The following MED12 variants were observed in gnomAD, a reference collection of about 807,000 sequenced individuals.
MED12 encodes the protein mediator complex subunit 12, also known as mediator of RNA polymerase II transcription subunit 12.
In MED12, 10 loss-of-function variants were observed where a neutral mutation model predicts 177.7. The observed-to-expected ratio is 0.06, with a 90% CI of 0.03 to 0.10. The LOEUF is 0.10. MED12 is among the 10% of genes least tolerant of loss of function. MED12 has a pLI of 1.00. For synonymous variants in MED12, 641 were observed against 678.4 expected, an observed-to-expected ratio of 0.94 and a Z score of 0.86; for missense variants, 867 against 1,780.8, an observed-to-expected ratio of 0.49 and a Z score of 9.23.
chrX:71,134,786 A>G lies in MED12; in HGVS notation c.4801A>G (p.Ile1601Val). 1 of 1,211,325 alleles carries G rather than the reference A, an allele frequency of 8.3e-7. No individual in the cohort carries two copies. Among genetic ancestry groups the G allele is most frequent in the Non-Finnish European group, 1.1e-6 (1 of 895,429 alleles). ...GACATTGGCTGCAGACATGTCTAGC[A>G]TCTCGCAAGGTAGCATGGAGGAAAA... ...NGTLAADMSS[I>V]SQGSMEENKR... Residue 1601 changes from isoleucine (I) to valine (V), a missense_variant, in exon 35 of 45, where the codon ATC (isoleucine) becomes GTC (valine). Coordinates refer to ENST00000374080, the MANE Select transcript of MED12 (RefSeq NM_005120.3).
chrX:71,133,443 C>T (rs2092323862), intron 33 of MED12, among the ~76,000 whole-genome samples: 1 of 109,090 alleles, frequency 9.2e-6, no homozygotes, highest in South Asian at 4.0e-4. Context: ...AAGTGATTCT[C>T]GTGCCTCAAC....
In MED12 at chrX:71,119,725, C is replaced by T. The variant is rs1266838743; in HGVS notation, c.244C>T (p.Arg82Cys). The T allele has an allele frequency of 1.7e-6, 2 of 1,211,278 alleles. No individual in the cohort carries two copies. Among genetic ancestry groups the T allele is most frequent in the Non-Finnish European group, 2.2e-6 (2 of 895,213 alleles). Residue 82 changes from arginine to cysteine, a missense_variant, in exon 3 of 45, where the codon CGT becomes TGT. By Grantham distance (180) the Arg-to-Cys change is radical. This residue lies in a region of MED12 where 42 missense variants were observed against 129.6 expected (regional missense o/e 0.32). Transcript: ENST00000374080. The stretch of plus-strand genomic sequence containing the variant: ...CAGCAGCATTATTGCAGAGAAATTA[C>T]GTTGTAATACCCTTCCTGACACTGG... ...NFSSIIAEKL[R>C]CNTLPDTGRR...
At position 71,136,968 on chromosome X, in the gene MED12, A is replaced by G. The variant is rs762466624; in HGVS notation, c.5490A>G (p.Thr1830=). The part of the protein sequence containing the change: ...LLHHPNPGSI[T]HLNYRQGSIG... ...ACCACCCAAACCCTGGTTCTATAACACACCTTAACTACAGGCAAGGCTCCA... is the reference window on the plus strand; with the variant it reads ...ACCACCCAAACCCTGGTTCTATAACGCACCTTAACTACAGGCAAGGCTCCA... Residue 1830 remains threonine, a synonymous_variant, in exon 38 of 45, where the codon ACA becomes ACG. Coordinates refer to ENST00000374080, the MANE Select transcript of MED12 (RefSeq NM_005120.3). 31 of 1,206,231 alleles carry G rather than the reference A, an allele frequency of 2.6e-5. No individual in the cohort carries two copies. Among genetic ancestry groups the G allele is most frequent in the East Asian group, 5.9e-5 (2 of 33,657 alleles).
chrX:71,133,243 G>A, intron 33 of MED12, 31 bp downstream of exon 33: 1 of 1,041,214 alleles, frequency 9.6e-7, no homozygotes, highest in Non-Finnish European at 1.4e-6. Context: ...GAAGAAGGAA[G>A]AGGGTAGGGC....
chrX:71,122,076 T>C (rs1174415896), intron 7 of MED12, 124 bp from the exon 8 acceptor site: 3 of 955,938 alleles, frequency 3.1e-6, no homozygotes, highest in Non-Finnish European at 4.5e-6. Flanking sequence ...GGTGGAGTGA[T>C]GCCTGTCTTG....
chrX:71,133,339 T>A, intron 33 of MED12, 127 bp downstream of exon 33: 2 of 459,949 alleles, frequency 4.3e-6, no homozygotes, highest in Non-Finnish European at 7.5e-6. Context: ...TTGAAGGGTT[T>A]TTTTTTTTTT....
intron 41 of MED12, among the ~76,000 whole-genome samples, chrX:71,140,000 C>T (rs1296265558): frequency 9.0e-6 from 1 of 110,750 alleles, no homozygotes; most frequent in Non-Finnish European, 1.9e-5. Flanking sequence ...GGAACAACAA[C>T]AGCAACAGCA....
Position 71,128,094 on chromosome X carries a change from C to T in MED12, c.3183C>T (p.Val1061=). The T allele has an allele frequency of 8.3e-7, 1 of 1,210,589 alleles. No individual in the cohort carries two copies. The highest frequency in any genetic ancestry group is 1.1e-6 in the Non-Finnish European group (1 of 894,743). The change falls in exon 22 of 45, where the codon GTC becomes GTT. Residue 1061 remains valine, a synonymous_variant. Transcript: ENST00000374080. ...TTGTCTGCAATGCCCTTATGCACGT[C>T]TGTGTGGGGCACCATGATCCCGATA... is the stretch of plus-strand genomic sequence containing the variant. The part of the protein sequence containing the change: ...YSFVCNALMH[V]CVGHHDPDRV...
At position 71,123,313 on chromosome X, in the gene MED12, G is replaced by A. The variant is rs992098565; in HGVS notation, c.1617+87G>A. The A allele has an allele frequency of 7.1e-6, 8 of 1,119,045 alleles. No individual in the cohort carries two copies. In the Admixed American group the frequency reaches 1.4e-4, roughly 19 times the overall value. 92.2% of individuals were successfully genotyped at this position (1,119,045 alleles called of 1,213,427 possible). A position where few individuals can be genotyped will look rare whatever the true frequency, so the allele number is the denominator to read the frequency against. ...GACCGAGAGATGGAGGTGGTGGAGG[G>A]ACCAGAGTTGAAGGTGTGAGAACAG... On this transcript the variant is annotated intron_variant, in intron 11 of 44. Transcript: ENST00000374080.
rs758980420 is a variant in MED12, at chrX:71,120,065, A to G, written c.448A>G (p.Thr150Ala). 8.3e-6 allele frequency: 10 copies of G among 1,210,023 alleles called. No homozygotes were observed. The highest frequency in any genetic ancestry group is 8.9e-6 in the Non-Finnish European group (8 of 895,227). Residue 150 changes from threonine to alanine, a missense_variant, in exon 4 of 45, where the codon ACA becomes GCA. By Grantham distance (58) the Thr-to-Ala change is moderately conservative (BLOSUM62 0). Coordinates refer to ENST00000374080, the MANE Select transcript of MED12 (RefSeq NM_005120.3). Reference protein sequence around the residue: ...EEVFGYLAKYTVPVMRAAWLI... With the variant: ...EEVFGYLAKYAVPVMRAAWLI... ...GGTGTTTGGGTACTTAGCCAAATACACAGTGCCTGTGATGCGGGCTGCCTG... is the reference window on the plus strand; with the variant it reads ...GGTGTTTGGGTACTTAGCCAAATACGCAGTGCCTGTGATGCGGGCTGCCTG...
intron 30 of MED12, 51 bp from the exon 31 acceptor site, chrX:71,132,326 C>G: frequency 8.4e-7 from 1 of 1,197,343 alleles, no homozygotes; most frequent in Admixed American, 2.2e-5. Flanking sequence ...ATAGATTGTT[C>G]CAGCCTTGCC....
rs1341187297 is a variant in MED12, at chrX:71,123,292, G to A, written c.1617+66G>A. On this transcript the variant is annotated intron_variant, in intron 11 of 44. Coordinates refer to ENST00000374080, the MANE Select transcript of MED12 (RefSeq NM_005120.3). ...AAGGAATTTACTGCGGTTGGAGACCGAGAGATGGAGGTGGTGGAGGGACCA... is the reference window on the plus strand; with the variant it reads ...AAGGAATTTACTGCGGTTGGAGACCAAGAGATGGAGGTGGTGGAGGGACCA... The A allele has an allele frequency of 9.5e-6, 11 of 1,162,657 alleles. 1 individual carries two copies. The highest frequency in any genetic ancestry group is 2.8e-4 in the Middle Eastern group (1 of 3,588).
At position 71,132,326 on chromosome X, in the gene MED12, C is replaced by A. The variant is rs757248289; in HGVS notation, c.4254-51C>A. The A allele has an allele frequency of 2.5e-6, 3 of 1,195,718 alleles. No individual in the cohort carries two copies. In the East Asian group the frequency reaches 8.9e-5, roughly 35 times the overall value. On this transcript the variant is annotated intron_variant, in intron 30 of 44. Transcript: ENST00000374080. ...CAGGGAAAGGAGAGGATAGATTGTT[C>A]CAGCCTTGCCTGGCTCCCCTGTGAC...
At position 71,137,838 on chromosome X, in the gene MED12, C is replaced by T; in HGVS notation, c.5939C>T (p.Thr1980Ile). The stretch of plus-strand genomic sequence containing the variant: ...CCTTACCAGAGCACCCACCCTTCTA[C>T]CAATCCTACTCTTGTAGATCCTACC... ...SQPYQSTHPS[T>I]NPTLVDPTRH... The change falls in exon 41 of 45, where the codon ACC becomes ATC. Residue 1980 changes from threonine (T) to isoleucine (I), a missense_variant. Thr to Ile is a moderately conservative substitution (Grantham distance 89). Around this residue, in one of 14 missense-constraint regions of MED12, gnomAD observed 236 missense variants for 345.2 expected, o/e 0.68. Transcript: ENST00000374080. 8.3e-7 allele frequency: 1 copy of T among 1,211,818 alleles called. No individual in the cohort carries two copies. Among genetic ancestry groups the T allele is most frequent in the East Asian group, 3.0e-5 (1 of 33,849 alleles).
chrX:71,119,024 G>T (rs1438717365), intron 1 of MED12, among the ~76,000 whole-genome samples, 171 bp downstream of exon 1: 1 of 97,440 alleles, frequency 1.0e-5, no homozygotes, highest in Admixed American at 1.1e-4. Context: ...GCGGTGGGGG[G>T]TTCCAAGGTA....
chrX:71,134,446 T>C lies in MED12; in HGVS notation c.4707T>C (p.Thr1569=). The C allele has an allele frequency of 8.7e-7, 1 of 1,152,157 alleles. No homozygotes were observed. The highest frequency in any genetic ancestry group is 1.2e-6 in the Non-Finnish European group (1 of 857,025). The allele number at this position is 1,152,157 out of a possible 1,213,427, so 95.0% of individuals were successfully genotyped here. Residue 1569 remains threonine, a synonymous_variant, in exon 34 of 45, where the codon ACT becomes ACC. Transcript: ENST00000374080. The stretch of plus-strand genomic sequence containing the variant: ...TCCTGGAGATCATCATCAGCGGCAC[T>C]GTCGACATGCAGTCCAACAAGTAAA... ...MLLLEIIISG[T]VDMQSNNELF... is the part of the protein sequence containing the mutation.
chrX:71,140,167 C>T (rs541066954), intron 41 of MED12, among the ~76,000 whole-genome samples: 3 of 102,629 alleles, frequency 2.9e-5, no homozygotes, highest in Non-Finnish European at 6.0e-5. Flanking sequence ...GCAACTTCCA[C>T]CTCCCAGGTT....
intron 32 of MED12, 22 bp from the exon 33 acceptor site, chrX:71,133,101 A>G: frequency 8.9e-7 from 1 of 1,128,691 alleles, no homozygotes; most frequent in Non-Finnish European, 1.2e-6. Flanking sequence ...TGAGCTGCAT[A>G]TTTTATTTGT....
rs754607562 is a variant in MED12, at chrX:71,142,140, G to A, written c.6491-35G>A. 4.2e-6 allele frequency: 5 copies of A among 1,200,624 alleles called. No homozygotes were observed. In the South Asian group the frequency reaches 5.3e-5, roughly 13 times the overall value. On this transcript the variant is annotated intron_variant, in intron 44 of 44. Coordinates refer to ENST00000374080, the MANE Select transcript of MED12 (RefSeq NM_005120.3). ...TCGTGCATACCCACACCCCTGCCTG[G>A]TCTTCCATCCCTGATAATCTCTGGT...
Sources: allele counts gnomAD v4.1 joint callset (sites outside exome capture counted in the v4.1 genomes callset), GRCh38; gene constraint gnomAD v4.1.1; regional missense constraint gnomAD v4.1.1; transcripts MANE v1.5; gene names NCBI Gene and HGNC (gene_info 2026-07-23, HGNC 2026-07-21).